The following CDH12 variants were observed in gnomAD, a reference collection of about 807,000 sequenced individuals.
The protein encoded by CDH12 is cadherin-12.
In CDH12, 41 loss-of-function variants were observed where a neutral mutation model predicts 74.1. The ratio of observed to expected loss-of-function variants is 0.55; its 90% CI spans 0.43 to 0.72. CDH12 has a LOEUF of 0.72. Among genes scored for constraint, CDH12 ranks in the 30% least tolerant of loss-of-function variants. The probability of loss-of-function intolerance (pLI) is 0.00; values close to 1 mark genes in which losing one functional copy is unlikely to be tolerated. For missense variants in CDH12, 945 were observed against 977.2 expected (o/e 0.97, Z 0.44); for synonymous variants, 399 against 355.0 (o/e 1.12, Z -1.39).
intron 5 of CDH12, among the ~76,000 whole-genome samples, chr5:22,042,034 C>T (rs1236691972): frequency 6.6e-6 from 1 of 151,938 alleles, no homozygotes; most frequent in Admixed American, 6.6e-5. Flanking sequence ...CACAGAAAAT[C>T]AACAACATAC....
At chr5:22,679,210 A>T (rs769407537) in intron 1 of CDH12, among the ~76,000 whole-genome samples, 7 of 152,182 alleles carry the variant, frequency 4.6e-5, no homozygotes, top group Non-Finnish European at 7.4e-5. Context: ...GTATAATTTT[A>T]GGAAATTAGA....
At chr5:21,913,487 G>A (rs1028280646) in intron 6 of CDH12, among the ~76,000 whole-genome samples, 1 of 152,038 alleles carries the variant, frequency 6.6e-6, no homozygotes, top group East Asian at 1.9e-4. Context: ...TTCTGTCCGG[G>A]TGCTTAATTC....
chr5:22,674,979 G>A (rs150905830), intron 1 of CDH12, among the ~76,000 whole-genome samples: 5 of 152,242 alleles, frequency 3.3e-5, no homozygotes, highest in Admixed American at 3.3e-4. Context: ...TTTGCAGCCT[G>A]ACAATGCTAT....
intron 2 of CDH12, among the ~76,000 whole-genome samples, chr5:22,447,881 C>A (rs1048868307): frequency 4.0e-5 from 6 of 150,760 alleles, no homozygotes; most frequent in African/African-American, 1.5e-4. Flanking sequence ...GTGGCTCATG[C>A]CTGTAATACC....
chr5:22,673,972 G>A (rs540243800), intron 1 of CDH12, among the ~76,000 whole-genome samples: 4 of 152,214 alleles, frequency 2.6e-5, no homozygotes, highest in South Asian at 2.1e-4. Context: ...GTGACAACAC[G>A]TCTAGGTAAC....
At chr5:22,348,132 G>A (rs1286790332) in intron 3 of CDH12, among the ~76,000 whole-genome samples, 2 of 152,128 alleles carry the variant, frequency 1.3e-5, no homozygotes, top group Non-Finnish European at 2.9e-5. Flanking sequence ...TAACGTTACA[G>A]GCAGCAGCGA....
chr5:22,558,020 A>G (rs941879718), intron 1 of CDH12, among the ~76,000 whole-genome samples: 5 of 152,232 alleles, frequency 3.3e-5, no homozygotes, highest in Middle Eastern at 3.4e-3. Flanking sequence ...AAATTACAAT[A>G]AGGGAAAACT....
Position 22,005,543 on chromosome 5 carries a change from C to T in CDH12, c.232-30158G>A, listed in dbSNP as rs181513423. The stretch of plus-strand genomic sequence containing the variant: ...AAATGCAACCTGCTTTGACCTCAAA[C>T]GCTCTTGATCTTTCTAATTGTTGTG... On this transcript the variant is annotated intron_variant, in intron 5 of 14. Transcript: ENST00000382254. Among the ~76,000 whole-genome samples the T allele has an allele frequency of 3.4e-3, 506 of 151,036 alleles. 5 individuals are homozygous for T. Among genetic ancestry groups the T allele is most frequent in the African/African-American group, 0.012 (484 of 41,108 alleles).
chr5:22,049,402 A>T (rs1454469939), intron 5 of CDH12, among the ~76,000 whole-genome samples: 3 of 151,924 alleles, frequency 2.0e-5, no homozygotes, highest in Non-Finnish European at 4.4e-5. Flanking sequence ...ATTTTAAAAT[A>T]TGTTTCTAGT....
intron 3 of CDH12, among the ~76,000 whole-genome samples, chr5:22,288,653 G>A (rs1366536233): frequency 6.6e-6 from 1 of 152,166 alleles, no homozygotes; most frequent in Non-Finnish European, 1.5e-5. Context: ...GAGATGTATA[G>A]ACAAGAGGTA....
chr5:21,968,327 C>G (rs1756679396), intron 6 of CDH12, among the ~76,000 whole-genome samples: 1 of 152,166 alleles, frequency 6.6e-6, no homozygotes, highest in South Asian at 2.1e-4. Context: ...TACTATTATT[C>G]ACTTGCAGGT....
chr5:22,205,052 A>G lies in CDH12; in HGVS notation c.-187+7446T>C, dbSNP rs145740234. ...GCACCTAACACTTAAGAGGTACACAATAGTTACTGAGTAAATTCAATGGAC... is the reference window on the plus strand; with the variant it reads ...GCACCTAACACTTAAGAGGTACACAGTAGTTACTGAGTAAATTCAATGGAC... On this transcript the variant is annotated intron_variant, in intron 4 of 14. Coordinates refer to ENST00000382254, the MANE Select transcript of CDH12 (RefSeq NM_004061.5). Among the ~76,000 whole-genome samples, 603 of 152,364 alleles carry G rather than the reference A, an allele frequency of 4.0e-3. 6 individuals are homozygous for G. Among genetic ancestry groups the G allele is most frequent in the African/African-American group, 0.012 (519 of 41,592 alleles).
At position 22,212,569 on chromosome 5, in the gene CDH12, G is replaced by C; in HGVS notation, c.-258C>G. On this transcript the variant is annotated 5_prime_UTR_variant, in exon 4 of 15. Coordinates refer to ENST00000382254, the MANE Select transcript of CDH12 (RefSeq NM_004061.5). ...CAACCGTGAATGGGGTGGGGAGATC[G>C]AAGTTTTCAATCAACACCCTCCAAG... 1 of 985,526 alleles carries C rather than the reference G, an allele frequency of 1.0e-6. No individual in the cohort carries two copies. Among genetic ancestry groups the C allele is most frequent in the Non-Finnish European group, 1.2e-6 (1 of 829,648 alleles). The allele number at this position is 985,526 out of a possible 1,614,324, so 61.0% of individuals were successfully genotyped here.
At chr5:22,511,739 T>C (rs1432076020) in intron 1 of CDH12, among the ~76,000 whole-genome samples, 2 of 152,216 alleles carry the variant, frequency 1.3e-5, no homozygotes, top group Admixed American at 6.5e-5. Context: ...CCTATATGCA[T>C]GTCTAAACAA....
intron 5 of CDH12, among the ~76,000 whole-genome samples, chr5:22,041,788 A>T (rs1159917365): frequency 6.6e-6 from 1 of 152,148 alleles, no homozygotes; most frequent in South Asian, 2.1e-4. Flanking sequence ...CTGCAATTCA[A>T]CTGCATTGGA....
At chr5:22,293,266 AAAACCCC>A (rs1737479084) in intron 3 of CDH12, among the ~76,000 whole-genome samples, 1 of 152,098 alleles carries the variant, frequency 6.6e-6, no homozygotes, top group Admixed American at 6.6e-5. Context: ...ATTAGGGATA[AAAACCCC>A]TACCCTCCTT....
intron 1 of CDH12, among the ~76,000 whole-genome samples, chr5:22,724,415 C>CAT (rs1744058663): frequency 6.6e-6 from 1 of 151,704 alleles, no homozygotes; most frequent in African/African-American, 2.4e-5. Context: ...CTCCAAAGTG[C>CAT]ATTATATCAT....
At chr5:22,062,649 T>G (rs1466209514) in intron 5 of CDH12, among the ~76,000 whole-genome samples, 1 of 152,136 alleles carries the variant, frequency 6.6e-6, no homozygotes, top group Middle Eastern at 3.2e-3. Context: ...TTAGGACACT[T>G]GAATACACTG....
chr5:21,833,349 AAT>A (rs1335450663), intron 8 of CDH12, among the ~76,000 whole-genome samples: 2 of 68,042 alleles, frequency 2.9e-5, no homozygotes, highest in Non-Finnish European at 2.2e-5. Flanking sequence ...TATAACATAT[AAT>A]ATATATTATA....
Sources: allele counts gnomAD v4.1 joint callset (sites outside exome capture counted in the v4.1 genomes callset), GRCh38; gene constraint gnomAD v4.1.1; transcripts MANE v1.5; gene names NCBI Gene and HGNC (gene_info 2026-07-23, HGNC 2026-07-21).